Variants in IGSF9 observed in about 807,000 individuals in gnomAD.
IGSF9 encodes immunoglobulin superfamily member 9.
Under a neutral mutation model 121.7 loss-of-function variants are expected in IGSF9, and 87 were observed. The ratio of observed to expected loss-of-function variants is 0.71; its 90% CI spans 0.60 to 0.85. The LOEUF (loss-of-function observed/expected upper bound fraction) is 0.85. Among genes scored for constraint, IGSF9 ranks in the 40% least tolerant of loss-of-function variants. The pLI is 0.00. For missense variants in IGSF9, 1,462 were observed against 1,565.3 expected (o/e 0.93, Z 1.11); for synonymous variants, 640 against 648.4 (o/e 0.99, Z 0.20).
chr1:159,944,839 C>T (rs1459887210), intron 1 of IGSF9, among the ~76,000 whole-genome samples: 3 of 152,162 alleles, frequency 2.0e-5, no homozygotes, highest in Non-Finnish European at 4.4e-5. Context: ...TGGCAATTCA[C>T]TAGCAACCAA....
chr1:159,937,058 T>A, intron 4 of IGSF9, 150 bp from the exon 5 acceptor site: 1 of 735,594 alleles, frequency 1.4e-6, no homozygotes, highest in Non-Finnish European at 2.2e-6. Context: ...CCACCCTGTC[T>A]ACTGCACCCA....
rs1305423725 is a variant in IGSF9 at position 159,929,940 on chromosome 1, C to A, written c.2100G>T (p.Ala700=). ...VLYEFRLVAF[A]GSFVSDPSNT... ...TGCTGGGGTCGCTGACGAAGCTGCC[C>A]GCGAAGGCCACGAGGCGGAACTCGT... The change falls in exon 16 of 21, where the codon GCG becomes GCT. Residue 700 remains alanine, a synonymous_variant. Coordinates refer to ENST00000368094, the MANE Select transcript of IGSF9 (RefSeq NM_001135050.2). 1.9e-6 allele frequency: 3 copies of A among 1,581,596 alleles called. No homozygotes were observed. The highest frequency in any genetic ancestry group is 2.6e-6 in the Non-Finnish European group (3 of 1,164,492).
intron 3 of IGSF9, among the ~76,000 whole-genome samples, chr1:159,940,527 C>T (rs1022424409): frequency 2.0e-5 from 3 of 152,222 alleles, no homozygotes; most frequent in Non-Finnish European, 2.9e-5. Context: ...GAGACACAGT[C>T]TCTGCTCTCT....
At chr1:159,944,009 T>C (rs193124064) in intron 1 of IGSF9, among the ~76,000 whole-genome samples, 33 of 152,158 alleles carry the variant, frequency 2.2e-4, no homozygotes, top group African/African-American at 8.0e-4. Flanking sequence ...AGATCAAGAC[T>C]CTCATGGCCT....
chr1:159,941,822 T>C (rs1040620761), intron 3 of IGSF9, among the ~76,000 whole-genome samples: 13 of 152,150 alleles, frequency 8.5e-5, no homozygotes, highest in East Asian at 3.9e-4. Flanking sequence ...CTGGTGCTAA[T>C]TGGGGCCCGC....
intron 18 of IGSF9, 100 bp downstream of exon 18, chr1:159,929,251 C>A (rs1479656263): frequency 6.8e-7 from 1 of 1,466,518 alleles, no homozygotes; most frequent in Non-Finnish European, 9.6e-7. Flanking sequence ...TCCTCCCCAA[C>A]ACCCAACATC....
In IGSF9 at chr1:159,928,257, C is replaced by T. The variant is rs1412080597; in HGVS notation, c.3131G>A (p.Gly1044Glu). 6.2e-7 allele frequency: 1 copy of T among 1,613,102 alleles called. No individual in the cohort carries two copies. The highest frequency in any genetic ancestry group is 8.5e-7 in the Non-Finnish European group (1 of 1,179,914). Residue 1044 changes from glycine to glutamate, a missense_variant, in exon 19 of 21, where the codon GGA (glycine) becomes GAA (glutamate). This residue lies in a region of IGSF9 where 808 missense variants were observed against 815.2 expected (regional missense o/e 0.99). Transcript: ENST00000368094. ...TGGAGCAGGGCTGAGGTAGCTGCCT[C>T]CTGCAGAGGGGGCTGTGGAGGGGGG... is the stretch of plus-strand genomic sequence containing the variant. The part of the protein sequence containing the change: ...LRPPSTAPSA[G>E]GSYLSPAPGD...
At chr1:159,944,747 G>A (rs572845225) in intron 1 of IGSF9, among the ~76,000 whole-genome samples, 14 of 152,200 alleles carry the variant, frequency 9.2e-5, no homozygotes, top group South Asian at 2.1e-4. Flanking sequence ...ACTCTTGGCC[G>A]CAAAGTTCAG....
chr1:159,934,309 G>T lies in IGSF9; in HGVS notation c.985C>A (p.Pro329Thr). 6.2e-7 allele frequency: 1 copy of T among 1,605,212 alleles called. No individual in the cohort carries two copies. The change falls in exon 9 of 21, where the codon CCT (proline) becomes ACT (threonine). Residue 329 changes from proline (P) to threonine (T), a missense_variant. By Grantham distance (38) the Pro-to-Thr change is conservative. Around this residue, in one of 3 missense-constraint regions of IGSF9, gnomAD observed 558 missense variants for 599.4 expected, o/e 0.93. Coordinates refer to ENST00000368094, the MANE Select transcript of IGSF9 (RefSeq NM_001135050.2). ...CCTATGGGCAGGGGTGTCTCAGGAG[G>T]CATAGCTGTCACCTGGGCTGGGTCT... ...VLYPAQVTAM[P>T]PETPLPIGMP...
intron 3 of IGSF9, among the ~76,000 whole-genome samples, chr1:159,940,145 G>A (rs1215319584): frequency 6.6e-6 from 1 of 152,174 alleles, no homozygotes; most frequent in Admixed American, 6.5e-5. Context: ...AAATCACATG[G>A]CTAGTAAGTG....
intron 3 of IGSF9, 40 bp downstream of exon 3, chr1:159,942,923 G>A: frequency 6.3e-7 from 1 of 1,578,676 alleles, no homozygotes; most frequent in East Asian, 2.3e-5. Flanking sequence ...CACCTTTCTT[G>A]CTGATACCTC....
Position 159,934,577 on chromosome 1 carries a change from T to G in IGSF9, c.816-7A>C. 6.2e-7 allele frequency: 1 copy of G among 1,613,608 alleles called. No individual in the cohort carries two copies. The highest frequency in any genetic ancestry group is 8.5e-7 in the Non-Finnish European group (1 of 1,179,656). ...CACCCGGGGCTGCAGGCGGCTGCAA[T>G]GTGGCATGTGTGAGGAGGGGTCCAG... On this transcript the variant is annotated splice_polypyrimidine_tract_variant and splice_region_variant and intron_variant, in intron 7 of 20. Coordinates refer to ENST00000368094, the MANE Select transcript of IGSF9 (RefSeq NM_001135050.2).
In IGSF9 at chr1:159,934,835, C is replaced by T; in HGVS notation, c.674-13G>A. ...ATGACTGGGGGTCCTGTGGGATGCA[C>T]AAGGGGAGGAAGGTGGCCTCAGCCC... On this transcript the variant is annotated splice_polypyrimidine_tract_variant and intron_variant, in intron 6 of 20. Coordinates refer to ENST00000368094, the MANE Select transcript of IGSF9 (RefSeq NM_001135050.2). 2 of 1,613,778 alleles carry T rather than the reference C, an allele frequency of 1.2e-6. No homozygotes were observed. Among genetic ancestry groups the T allele is most frequent in the Non-Finnish European group, 1.7e-6 (2 of 1,179,912 alleles).
Position 159,942,745 on chromosome 1 carries a change from T to A in IGSF9, c.247+218A>T, listed in dbSNP as rs551112468. Among the ~76,000 whole-genome samples, 139 of 23,980 alleles carry A rather than the reference T, an allele frequency of 5.8e-3. 1 individual carries two copies. The highest frequency in any genetic ancestry group is 0.026 in the East Asian group (63 of 2,446). The allele number at this position is 23,980 out of a possible 152,430, so 15.7% of individuals were successfully genotyped here. A position where few individuals can be genotyped will look rare whatever the true frequency, so the allele number is the denominator to read the frequency against. The stretch of plus-strand genomic sequence containing the variant: ...AATAGCACAGCTATAAGAGTGTGAG[T>A]GTGTGTGTGTGTGTGTGTGTGTGTA... On this transcript the variant is annotated intron_variant, in intron 3 of 20. Transcript: ENST00000368094.
chr1:159,936,742 C>A lies in IGSF9; in HGVS notation c.555+12G>T. 6.2e-7 allele frequency: 1 copy of A among 1,613,908 alleles called. No homozygotes were observed. The highest frequency in any genetic ancestry group is 8.5e-7 in the Non-Finnish European group (1 of 1,179,874). ...CTCTATATGGCTCACTCTGTCCACC[C>A]CCAGGACTCACTTGCACCTGGCCCT... On this transcript the variant is annotated intron_variant, in intron 5 of 20. Transcript: ENST00000368094.
intron 1 of IGSF9, among the ~76,000 whole-genome samples, chr1:159,944,273 T>G (rs1472573873): frequency 1.3e-5 from 2 of 152,102 alleles, no homozygotes; most frequent in Non-Finnish European, 2.9e-5. Context: ...ACCCGAGGCC[T>G]TTCTCCATTC....
rs1449358423 is a variant in IGSF9, at chr1:159,934,807, A to G, written c.689T>C (p.Val230Ala). ...GACTGTGCTGTTCTTGGGGGGCACC[A>G]CGATGACTGGGGGTCCTGTGGGATG... is the stretch of plus-strand genomic sequence containing the variant. ...QLLVLGPPVI[V>A]VPPKNSTVNA... is the part of the protein sequence containing the mutation. Residue 230 changes from valine to alanine, a missense_variant, in exon 7 of 21, where the codon GTG (valine) becomes GCG (alanine). By Grantham distance (64) the Val-to-Ala change is moderately conservative. Transcript: ENST00000368094. 2 of 1,614,144 alleles carry G rather than the reference A, an allele frequency of 1.2e-6. No individual in the cohort carries two copies. The highest frequency in any genetic ancestry group is 8.5e-7 in the Non-Finnish European group (1 of 1,180,002).
At chr1:159,935,656 C>A (rs76423883) in intron 6 of IGSF9, among the ~76,000 whole-genome samples, 5 of 152,154 alleles carry the variant, frequency 3.3e-5, no homozygotes, top group African/African-American at 9.7e-5. Flanking sequence ...TGACTGCATG[C>A]GGGACACTGA....
Position 159,930,838 on chromosome 1 carries a change from T to C in IGSF9, c.1667A>G (p.Asp556Gly). The C allele has an allele frequency of 6.2e-7, 1 of 1,611,724 alleles. No homozygotes were observed. Residue 556 changes from aspartate to glycine, a missense_variant, in exon 14 of 21, where the codon GAC (aspartate) becomes GGC (glycine). Physicochemically the swap from Asp to Gly is moderately conservative, Grantham distance 94 (BLOSUM62 -1). Coordinates refer to ENST00000368094, the MANE Select transcript of IGSF9 (RefSeq NM_001135050.2). The part of the protein sequence containing the change: ...LAKRPDRMHH[D>G]WVSLAVPVGA... The stretch of plus-strand genomic sequence containing the variant: ...CACAGGCACTGCCAAGGACACCCAG[T>C]CATGGTGCATTCGGTCAGGACGCTT...
Sources: allele counts gnomAD v4.1 joint callset (sites outside exome capture counted in the v4.1 genomes callset), GRCh38; gene constraint gnomAD v4.1.1; regional missense constraint gnomAD v4.1.1; transcripts MANE v1.5; gene names NCBI Gene and HGNC (gene_info 2026-07-23, HGNC 2026-07-21).